The following CAMK4 variants were observed in gnomAD, a reference collection of about 807,000 sequenced individuals.
CAMK4 encodes calcium/calmodulin-dependent protein kinase type IV.
CAMK4 carries 22 observed loss-of-function variants against 44.9 expected under a neutral mutation model. That is an observed-to-expected ratio of 0.49 (90% confidence interval 0.35 to 0.70). The LOEUF is 0.70. Ranked by LOEUF, CAMK4 falls within the 30% of genes least tolerant of loss-of-function variation. CAMK4 has a pLI of 0.01. For missense variants in CAMK4, 498 were observed against 586.8 expected, an observed-to-expected ratio of 0.85 and a Z score of 1.56; for synonymous variants, 218 against 215.4, an observed-to-expected ratio of 1.01 and a Z score of -0.11.
At position 111,327,747 on chromosome 5, in the gene CAMK4, C is replaced by G. The variant is rs1316866188; in HGVS notation, c.162-16277C>G. 6.6e-5 allele frequency among the ~76,000 whole-genome samples: 10 copies of G among 150,792 alleles called. No homozygotes were observed. The South Asian group carries it at 1.5e-3, about 22-fold the overall frequency. ...CTCATTGTGGTTTTGATTTGCATTT[C>G]TCTGATGGCCAGTGATGATGAGCAT... On this transcript the variant is annotated intron_variant, in intron 1 of 10. Coordinates refer to ENST00000282356, the MANE Select transcript of CAMK4 (RefSeq NM_001744.6).
chr5:111,325,726 G>GT (rs1178321537), intron 1 of CAMK4, among the ~76,000 whole-genome samples: 2 of 151,514 alleles, frequency 1.3e-5, no homozygotes, highest in African/African-American at 2.4e-5. Flanking sequence ...TGATGGGGTT[G>GT]TTTTTTTTCT....
intron 1 of CAMK4, among the ~76,000 whole-genome samples, chr5:111,294,556 T>C (rs1033556486): frequency 2.0e-5 from 3 of 152,238 alleles, no homozygotes; most frequent in Non-Finnish European, 4.4e-5. Context: ...GGTTGAGATA[T>C]ATATTATTCA....
intron 5 of CAMK4, among the ~76,000 whole-genome samples, chr5:111,428,490 C>A (rs914116656): frequency 2.0e-5 from 3 of 151,882 alleles, no homozygotes; most frequent in South Asian, 2.1e-4. Flanking sequence ...TTCAAGATAA[C>A]ACAGAGAAGG....
chr5:111,418,980 A>G (rs1040618922), intron 5 of CAMK4, among the ~76,000 whole-genome samples: 1 of 152,114 alleles, frequency 6.6e-6, no homozygotes, highest in African/African-American at 2.4e-5. Flanking sequence ...GCTGGGTCAA[A>G]TGGTATTTCT....
intron 4 of CAMK4, among the ~76,000 whole-genome samples, chr5:111,392,901 T>G (rs1751859912): frequency 6.6e-6 from 1 of 152,088 alleles, no homozygotes; most frequent in Non-Finnish European, 1.5e-5. Context: ...AAAAGCCAAC[T>G]TGCATAGCCT....
chr5:111,488,667 C>T lies in CAMK4; in HGVS notation c.*4201C>T, dbSNP rs927619680. Reference sequence around the variant, plus strand: ...CAAGTTGGAAAAAGAAAAGTAAATGCCAGAAAAGGCAAAGGATAAACTTAG... The same window carrying T: ...CAAGTTGGAAAAAGAAAAGTAAATGTCAGAAAAGGCAAAGGATAAACTTAG... On this transcript the variant is annotated 3_prime_UTR_variant, in exon 11 of 11. Transcript: ENST00000282356. 2.0e-5 allele frequency: 3 copies of T among 151,904 alleles called. No individual in the cohort carries two copies. Among genetic ancestry groups the T allele is most frequent in the African/African-American group, 7.3e-5 (3 of 41,326 alleles). The allele number at this position is 151,904 out of a possible 1,614,324, so 9.4% of individuals were successfully genotyped here.
At chr5:111,269,821 G>A (rs11746502) in intron 1 of CAMK4, among the ~76,000 whole-genome samples, 424 of 152,300 alleles carry the variant, frequency 2.8e-3, no homozygotes, top group South Asian at 6.4e-3. Context: ...GGCTGTCCAT[G>A]GGCATGTAAA....
rs146241595 is a variant in CAMK4, at chr5:111,318,857, T to G, written c.162-25167T>G. 2.8e-3 allele frequency among the ~76,000 whole-genome samples: 423 copies of G among 152,330 alleles called. 1 individual carries two copies. Among genetic ancestry groups the G allele is most frequent in the African/African-American group, 9.9e-3 (411 of 41,578 alleles). ...CCGTATAATTTTATCAGTCTTATGA[T>G]GCAAATACTGTTGACAAAGATGGAA... On this transcript the variant is annotated intron_variant, in intron 1 of 10. Transcript: ENST00000282356.
At chr5:111,264,350 G>T (rs1750133969) in intron 1 of CAMK4, among the ~76,000 whole-genome samples, 1 of 152,150 alleles carries the variant, frequency 6.6e-6, no homozygotes, top group South Asian at 2.1e-4. Flanking sequence ...CTGCCTGGGT[G>T]GTTGATGTAT....
At chr5:111,240,224 C>A (rs533702579) in intron 1 of CAMK4, among the ~76,000 whole-genome samples, 5 of 151,086 alleles carry the variant, frequency 3.3e-5, no homozygotes, top group Non-Finnish European at 5.9e-5. Flanking sequence ...CATTCTTCAC[C>A]GGGAAGTTAA....
rs1755960384 is a variant in CAMK4, at chr5:111,493,971, G to A, written c.*9505G>A. On this transcript the variant is annotated 3_prime_UTR_variant, in exon 11 of 11. Coordinates refer to ENST00000282356, the MANE Select transcript of CAMK4 (RefSeq NM_001744.6). This position sits in a 1 kb window ranked among gnomAD's most constrained non-coding sequence, Gnocchi z 4.1. ...TCGTAAGTTAGCAGACATTGAGAAAGGAAAACTTCCTACTTGGGCTTTTCA... is the reference window on the plus strand; with the variant it reads ...TCGTAAGTTAGCAGACATTGAGAAAAGAAAACTTCCTACTTGGGCTTTTCA... 1 of 152,166 alleles carries A rather than the reference G, an allele frequency of 6.6e-6. No homozygotes were observed. The highest frequency in any genetic ancestry group is 2.4e-5 in the African/African-American group (1 of 41,442). 9.4% of individuals were successfully genotyped at this position (152,166 alleles called of 1,614,324 possible).
chr5:111,476,239 TTGTGTG>T (rs5870455), intron 8 of CAMK4, among the ~76,000 whole-genome samples: 11,258 of 132,760 alleles, frequency 0.085, 513 homozygotes, highest in African/African-American at 0.14. Flanking sequence ...CTTTGCTTCT[TTGTGTG>T]TGTGTGTGTG....
chr5:111,339,421 G>T (rs940989362), intron 1 of CAMK4, among the ~76,000 whole-genome samples: 3 of 151,168 alleles, frequency 2.0e-5, no homozygotes, highest in African/African-American at 7.3e-5. Context: ...TGAGATAAGG[G>T]TCTTATTTCA....
chr5:111,266,871 T>C (rs1055839936), intron 1 of CAMK4, among the ~76,000 whole-genome samples: 3 of 152,246 alleles, frequency 2.0e-5, no homozygotes, highest in African/African-American at 7.2e-5. Context: ...ACACCCTCCT[T>C]GAGATACTGT....
intron 5 of CAMK4, among the ~76,000 whole-genome samples, chr5:111,429,700 C>T (rs1468641439): frequency 2.2e-5 from 3 of 136,330 alleles, no homozygotes; most frequent in Non-Finnish European, 4.6e-5. Flanking sequence ...TGCTTGAAAC[C>T]AGGAGGCTGA....
Position 111,344,036 on chromosome 5 carries a change from C to T in CAMK4, c.174C>T (p.Ser58=), listed in dbSNP as rs1749760472. The part of the protein sequence containing the change: ...VESELGRGAT[S]IVYRCKQKGT... The stretch of plus-strand genomic sequence containing the variant: ...TTTCCCCCTCAAGGGGTGCTACATC[C>T]ATTGTGTACAGATGCAAACAGAAGG... Residue 58 remains serine, a synonymous_variant, in exon 2 of 11, where the codon TCC becomes TCT. Transcript: ENST00000282356. 1 of 1,597,728 alleles carries T rather than the reference C, an allele frequency of 6.3e-7. No individual in the cohort carries two copies.
intron 1 of CAMK4, among the ~76,000 whole-genome samples, chr5:111,338,111 A>G (rs535514030): frequency 4.6e-5 from 7 of 151,246 alleles, no homozygotes; most frequent in African/African-American, 1.7e-4. Flanking sequence ...ATCATTTTTC[A>G]TTGGAAATAA....
intron 2 of CAMK4, among the ~76,000 whole-genome samples, chr5:111,348,249 C>G (rs1011701059): frequency 6.6e-6 from 1 of 151,962 alleles, no homozygotes; most frequent in South Asian, 2.1e-4. Flanking sequence ...AAACCCTGAG[C>G]TTCAATGAGA....
intron 1 of CAMK4, among the ~76,000 whole-genome samples, chr5:111,312,702 G>A (rs1748259560): frequency 6.6e-6 from 1 of 152,058 alleles, no homozygotes; most frequent in African/African-American, 2.4e-5. Context: ...TAAGTCTTGT[G>A]GAACCATCCA....
Sources: gnomAD v4.1 joint callset for allele counts (sites outside exome capture counted in the v4.1 genomes callset) on GRCh38, gnomAD v4.1.1 for gene constraint, Gnocchi (gnomAD v3.1) non-coding constraint, MANE v1.5 for transcripts, NCBI Gene and HGNC (gene_info 2026-07-23, HGNC 2026-07-21) for gene names.